Variants in ACER3 observed in about 807,000 individuals in gnomAD.
ACER3 encodes the protein alkaline ceramidase 3.
A neutral mutation model predicts 48.9 loss-of-function variants in ACER3; 16 were observed. The observed-to-expected ratio is 0.33, with a 90% CI of 0.22 to 0.50. The LOEUF is 0.50. ACER3 is among the 20% of genes least tolerant of loss of function. The pLI is 0.98. For missense variants in ACER3, 227 were observed against 326.0 expected, an observed-to-expected ratio of 0.70 and a Z score of 2.34; for synonymous variants, 109 against 107.8, an observed-to-expected ratio of 1.01 and a Z score of -0.07.
intron 1 of ACER3, among the ~76,000 whole-genome samples, chr11:76,900,348 C>T (rs1443385995): frequency 1.3e-5 from 2 of 152,120 alleles, no homozygotes; most frequent in African/African-American, 2.4e-5. Flanking sequence ...GAGAGGCAGG[C>T]ACAGTTGGTG....
chr11:76,878,145 A>C (rs896499019), intron 1 of ACER3, among the ~76,000 whole-genome samples: 1 of 151,982 alleles, frequency 6.6e-6, no homozygotes, highest in Non-Finnish European at 1.5e-5. Flanking sequence ...ATTCTTGTGC[A>C]TCTTCTGGTA....
chr11:76,896,786 T>C (rs1406808724), intron 1 of ACER3, among the ~76,000 whole-genome samples: 1 of 152,168 alleles, frequency 6.6e-6, no homozygotes. Flanking sequence ...GAGCTTTATA[T>C]GTGGATTTTT....
chr11:77,018,579 A>T (rs782293187), intron 9 of ACER3, among the ~76,000 whole-genome samples: 12 of 152,262 alleles, frequency 7.9e-5, no homozygotes, highest in Non-Finnish European at 1.5e-4. Context: ...TGTGCCAAAC[A>T]GTTGGCCAAG....
chr11:76,933,122 A>T (rs1302826674), intron 2 of ACER3, among the ~76,000 whole-genome samples: 1 of 148,190 alleles, frequency 6.7e-6, no homozygotes, highest in Non-Finnish European at 1.5e-5. Flanking sequence ...AGAATTACAA[A>T]ACACATCAAC....
chr11:76,966,225 A>G (rs1465262234), intron 3 of ACER3, among the ~76,000 whole-genome samples: 3 of 152,004 alleles, frequency 2.0e-5, no homozygotes, highest in Non-Finnish European at 4.4e-5. Flanking sequence ...CCATTACATA[A>G]TGGTAAAGGC....
At chr11:76,916,588 C>T (rs1184658115) in intron 1 of ACER3, among the ~76,000 whole-genome samples, 1 of 152,092 alleles carries the variant, frequency 6.6e-6, no homozygotes, top group Non-Finnish European at 1.5e-5. Flanking sequence ...CAAAAATTCA[C>T]CAAATGTAGG....
At chr11:76,985,549 T>C in intron 4 of ACER3, 94 bp from the exon 5 acceptor site, 1 of 722,898 alleles carries the variant, frequency 1.4e-6, no homozygotes, top group East Asian at 3.2e-5. Context: ...ATATCACTTA[T>C]CATCGAGAGA....
chr11:76,928,689 T>G (rs1293911199), intron 2 of ACER3, among the ~76,000 whole-genome samples: 1 of 152,208 alleles, frequency 6.6e-6, no homozygotes, highest in Non-Finnish European at 1.5e-5. Context: ...GGCTAGCCAG[T>G]TTCCCCAGCA....
At chr11:76,964,475 C>T (rs928372241) in intron 3 of ACER3, among the ~76,000 whole-genome samples, 1 of 151,268 alleles carries the variant, frequency 6.6e-6, no homozygotes, top group Non-Finnish European at 1.5e-5. Flanking sequence ...GTGGTTCTCC[C>T]AGCATGAAGC....
intron 1 of ACER3, among the ~76,000 whole-genome samples, chr11:76,893,786 G>C (rs7113632): frequency 0.013 from 1,975 of 152,302 alleles, 51 homozygotes; most frequent in African/African-American, 0.045. Flanking sequence ...TGTAACATCA[G>C]ATAATGCAAT....
chr11:76,861,210 G>A (rs1590844256), intron 1 of ACER3, 131 bp downstream of exon 1: 2 of 824,620 alleles, frequency 2.4e-6, no homozygotes, highest in South Asian at 3.8e-5. Flanking sequence ...CTGGAATGCG[G>A]CGCCCTGGGC....
chr11:76,906,142 G>A (rs929314918), intron 1 of ACER3, among the ~76,000 whole-genome samples: 7 of 152,154 alleles, frequency 4.6e-5, no homozygotes, highest in Non-Finnish European at 1.0e-4. Context: ...TTTGAAGCAA[G>A]GATAATATTC....
At chr11:76,976,430 ACT>A in intron 4 of ACER3, 89 bp downstream of exon 4, 7 of 691,026 alleles carry the variant, frequency 1.0e-5, no homozygotes, top group African/African-American at 1.8e-5. Flanking sequence ...CATTTATATT[ACT>A]AGGATATTTT....
At chr11:76,970,007 A>G (rs1204231449) in intron 3 of ACER3, among the ~76,000 whole-genome samples, 2 of 152,052 alleles carry the variant, frequency 1.3e-5, no homozygotes, top group Non-Finnish European at 2.9e-5. Context: ...GCAGGGTGTA[A>G]CTTAACTCTT....
intron 1 of ACER3, among the ~76,000 whole-genome samples, chr11:76,862,658 A>G (rs927425784): frequency 1.3e-5 from 2 of 152,078 alleles, no homozygotes; most frequent in African/African-American, 4.8e-5. Context: ...TTTTTTTTTA[A>G]TTTATTTGGA....
intron 1 of ACER3, among the ~76,000 whole-genome samples, chr11:76,918,823 G>T (rs10899310): frequency 6.6e-6 from 1 of 151,986 alleles, no homozygotes; most frequent in Non-Finnish European, 1.5e-5. Flanking sequence ...ACAGCTAGAA[G>T]GTGGTAGTAG....
intron 3 of ACER3, among the ~76,000 whole-genome samples, chr11:76,972,846 C>A (rs1305076437): frequency 1.3e-5 from 2 of 152,234 alleles, no homozygotes; most frequent in African/African-American, 2.4e-5. Flanking sequence ...TTGCTGCTCC[C>A]TGCTGCTGTC....
intron 1 of ACER3, among the ~76,000 whole-genome samples, chr11:76,890,921 ACCCGTGG>A (rs934305384): frequency 1.3e-5 from 2 of 151,938 alleles, no homozygotes; most frequent in African/African-American, 4.8e-5. Context: ...GGAGTTCGAG[ACCCGTGG>A]CCAATATGAC....
intron 2 of ACER3, among the ~76,000 whole-genome samples, chr11:76,931,594 T>C (rs1947000391): frequency 3.3e-5 from 5 of 152,368 alleles, no homozygotes; most frequent in African/African-American, 1.2e-4. Flanking sequence ...GTTTTTGCAG[T>C]GGCTAGTACC....
Sources: allele counts gnomAD v4.1 joint callset (sites outside exome capture counted in the v4.1 genomes callset), GRCh38; gene constraint gnomAD v4.1.1; transcripts MANE v1.5; gene names NCBI Gene and HGNC (gene_info 2026-07-23, HGNC 2026-07-21).